Variants in PPP1R12A observed in about 807,000 individuals in gnomAD.
The protein encoded by PPP1R12A is protein phosphatase 1 regulatory subunit 12A.
Under a neutral mutation model 139.6 loss-of-function variants are expected in PPP1R12A, and 19 were observed. The ratio of observed to expected loss-of-function variants is 0.14; its 90% confidence interval spans 0.09 to 0.20. The LOEUF (loss-of-function observed/expected upper bound fraction) is 0.20. PPP1R12A is among the 10% of genes least tolerant of loss of function. PPP1R12A has a pLI of 1.00. For missense variants in PPP1R12A, 925 were observed against 1,211.5 expected (o/e 0.76, Z 3.51); for synonymous variants, 427 against 420.6 (o/e 1.02, Z -0.19).
At chr12:79,776,214 AT>A (rs1346591228) in intron 24 of PPP1R12A, among the ~76,000 whole-genome samples, 199 bp from the exon 25 acceptor site, 3 of 152,134 alleles carry the variant, frequency 2.0e-5, no homozygotes, top group Non-Finnish European at 4.4e-5. Flanking sequence ...AGTTTCATAA[AT>A]GCTGGAATGA....
At position 79,774,507 on chromosome 12, in the gene PPP1R12A, G is replaced by A. The variant is rs1180938220; in HGVS notation, c.*1422C>T. On this transcript the variant is annotated 3_prime_UTR_variant, in exon 25 of 25. Transcript: ENST00000450142. Reference sequence around the variant, plus strand: ...TATTCAAATGGCTGAACTGTTCAGTGGTTAAGGAGACAGTTATGTGCCAGA... The same window carrying A: ...TATTCAAATGGCTGAACTGTTCAGTAGTTAAGGAGACAGTTATGTGCCAGA... 1 of 152,468 alleles carries A rather than the reference G, an allele frequency of 6.6e-6. No individual in the cohort carries two copies. Among genetic ancestry groups the A allele is most frequent in the Non-Finnish European group, 1.5e-5 (1 of 67,968 alleles). 9.4% of individuals were successfully genotyped at this position (152,468 alleles called of 1,614,324 possible).
rs116873420 is a variant in PPP1R12A, at chr12:79,811,534, A to G, written c.1240-1524T>C. Among the ~76,000 whole-genome samples the G allele has an allele frequency of 5.3e-3, 806 of 152,286 alleles. 6 individuals carry two copies. The highest frequency in any genetic ancestry group is 8.1e-3 in the Non-Finnish European group (552 of 67,998). On this transcript the variant is annotated intron_variant, in intron 9 of 24. Transcript: ENST00000450142. ...AGTGGCACTGTGAAAAAATCCTACC[A>G]AACACTAGGGGCTCCAATGACCAAG...
chr12:79,848,645 G>A (rs980286165), intron 2 of PPP1R12A: 2 of 152,038 alleles, frequency 1.3e-5, no homozygotes, highest in African/African-American at 4.8e-5. Flanking sequence ...ACGTGTGTAT[G>A]TACATATGTA....
intron 1 of PPP1R12A, among the ~76,000 whole-genome samples, chr12:79,910,107 G>A (rs1023586538): frequency 1.3e-5 from 2 of 152,128 alleles, no homozygotes; most frequent in African/African-American, 4.8e-5. Context: ...TTTACTGGAT[G>A]AGAAAAGAGC....
At chr12:79,822,246 G>A (rs1254705252) in intron 5 of PPP1R12A, 56 bp from the exon 6 acceptor site, 6 of 1,211,218 alleles carry the variant, frequency 5.0e-6, no homozygotes, top group Non-Finnish European at 5.9e-6. Context: ...ATCATAAAAT[G>A]CCTTCAGTAA....
intron 2 of PPP1R12A, among the ~76,000 whole-genome samples, chr12:79,863,846 T>TTA (rs1881650778): frequency 6.6e-6 from 1 of 152,072 alleles, no homozygotes; most frequent in Non-Finnish European, 1.5e-5. Context: ...AAGCAAGTTC[T>TTA]TAGAGACCTA....
intron 1 of PPP1R12A, among the ~76,000 whole-genome samples, chr12:79,907,701 C>T (rs1382629430): frequency 6.6e-6 from 1 of 152,146 alleles, no homozygotes; most frequent in African/African-American, 2.4e-5. Flanking sequence ...CAGTTCAAGA[C>T]CTGCCTGAGC....
chr12:79,864,576 C>G (rs537392178), intron 2 of PPP1R12A, among the ~76,000 whole-genome samples: 1 of 152,134 alleles, frequency 6.6e-6, no homozygotes, highest in African/African-American at 2.4e-5. Context: ...AATAGATAGA[C>G]AGCTAGCAAG....
intron 1 of PPP1R12A, among the ~76,000 whole-genome samples, chr12:79,909,658 C>T (rs983752362): frequency 2.0e-5 from 3 of 151,386 alleles, no homozygotes; most frequent in South Asian, 2.1e-4. Context: ...TCGTTGAACC[C>T]GGGAGGTGGA....
At chr12:79,780,177 C>A (rs1455101097) in intron 23 of PPP1R12A, 1 of 151,618 alleles carries the variant, frequency 6.6e-6, no homozygotes, top group Non-Finnish European at 1.5e-5. Flanking sequence ...GTACTCCAGC[C>A]TGGGTGACAG....
chr12:79,922,853 A>C (rs1031306056), intron 1 of PPP1R12A, among the ~76,000 whole-genome samples: 6 of 152,172 alleles, frequency 3.9e-5, no homozygotes, highest in Non-Finnish European at 5.9e-5. Flanking sequence ...AAAGTAAAAA[A>C]TTTTTTAAAA....
chr12:79,853,195 T>C (rs1880258740), intron 2 of PPP1R12A, among the ~76,000 whole-genome samples: 1 of 152,198 alleles, frequency 6.6e-6, no homozygotes, highest in African/African-American at 2.4e-5. Flanking sequence ...GAATGGTTAT[T>C]CTCAAAAAGT....
At chr12:79,867,806 A>G (rs1369241547) in intron 2 of PPP1R12A, among the ~76,000 whole-genome samples, 1 of 152,134 alleles carries the variant, frequency 6.6e-6, no homozygotes, top group Non-Finnish European at 1.5e-5. Flanking sequence ...GTGAGTTCTC[A>G]TGAGATCTGA....
At chr12:79,909,788 T>TTTGTTG (rs143557263) in intron 1 of PPP1R12A, among the ~76,000 whole-genome samples, 7 of 151,466 alleles carry the variant, frequency 4.6e-5, no homozygotes, top group Non-Finnish European at 7.4e-5. Context: ...GTCATATTGC[T>TTTGTTG]TTGTTGTTGT....
chr12:79,911,469 A>G (rs892347404), intron 1 of PPP1R12A, among the ~76,000 whole-genome samples: 1 of 152,150 alleles, frequency 6.6e-6, no homozygotes, highest in African/African-American at 2.4e-5. Context: ...GAGAAGGGAG[A>G]AGATCAGAAA....
chr12:79,774,662 A>G lies in PPP1R12A; in HGVS notation c.*1267T>C, dbSNP rs1869550864. 6.8e-6 allele frequency: 1 copy of G among 147,948 alleles called. No homozygotes were observed. Among genetic ancestry groups the G allele is most frequent in the Admixed American group, 6.7e-5 (1 of 14,984 alleles). 9.2% of individuals were successfully genotyped at this position (147,948 alleles called of 1,614,324 possible). A position where few individuals can be genotyped will look rare whatever the true frequency, so the allele number is the denominator to read the frequency against. On this transcript the variant is annotated 3_prime_UTR_variant, in exon 25 of 25. Transcript: ENST00000450142. Reference sequence around the variant, plus strand: ...AAAAAAAAAAAGGCCACTGAAATGTATAAAATGGTCTGAACATGATGGTGG... The same window carrying G: ...AAAAAAAAAAAGGCCACTGAAATGTGTAAAATGGTCTGAACATGATGGTGG...
At chr12:79,884,622 A>G (rs1458414824) in intron 1 of PPP1R12A, among the ~76,000 whole-genome samples, 1 of 152,162 alleles carries the variant, frequency 6.6e-6, no homozygotes, top group Non-Finnish European at 1.5e-5. Context: ...GCTGACTTAA[A>G]TTTCTGACTA....
intron 1 of PPP1R12A, among the ~76,000 whole-genome samples, chr12:79,880,393 A>G (rs79771190): frequency 0.03 from 4,591 of 152,144 alleles, 124 homozygotes; most frequent in African/African-American, 0.077. Flanking sequence ...GGAATAAACA[A>G]ACAGTCAGTC....
rs75975216 is a variant in PPP1R12A, at chr12:79,846,425, T to G, written c.369-1005A>C. 3.6e-5 allele frequency among the ~76,000 whole-genome samples: 5 copies of G among 139,348 alleles called. No homozygotes were observed. The East Asian group carries it at 1.1e-3, about 31-fold the overall frequency. 91.4% of individuals were successfully genotyped at this position (139,348 alleles called of 152,430 possible). A position where few individuals can be genotyped will look rare whatever the true frequency, so the allele number is the denominator to read the frequency against. Reference sequence around the variant, plus strand: ...TAACCATCTATTACCCAAGTCAATTTCTTTTTTCTCTCTGTTTTTTTTGAG... The same window carrying G: ...TAACCATCTATTACCCAAGTCAATTGCTTTTTTCTCTCTGTTTTTTTTGAG... On this transcript the variant is annotated intron_variant, in intron 2 of 24. Coordinates refer to ENST00000450142, the MANE Select transcript of PPP1R12A (RefSeq NM_002480.3).
Sources: allele counts gnomAD v4.1 joint callset (sites outside exome capture counted in the v4.1 genomes callset), GRCh38; gene constraint gnomAD v4.1.1; transcripts MANE v1.5; gene names NCBI Gene and HGNC (gene_info 2026-07-23, HGNC 2026-07-21).